Variants in FSHR observed in about 807,000 individuals in gnomAD.
The protein encoded by FSHR is follicle-stimulating hormone receptor.
FSHR carries 46 observed loss-of-function variants against 52.1 expected under a neutral mutation model. The ratio of observed to expected loss-of-function variants is 0.88; its 90% confidence interval spans 0.70 to 1.13. FSHR has a LOEUF of 1.13. FSHR is among the 50% of genes most tolerant of loss of function. FSHR has a pLI of 0.00. For missense variants in FSHR, 964 were observed against 834.6 expected, an observed-to-expected ratio of 1.16 and a Z score of -1.91; for synonymous variants, 399 against 309.6, an observed-to-expected ratio of 1.29 and a Z score of -3.03.
At chr2:49,055,759 A>T (rs2104312724) in intron 2 of FSHR, among the ~76,000 whole-genome samples, 1 of 152,092 alleles carries the variant, frequency 6.6e-6, no homozygotes, top group African/African-American at 2.4e-5. Context: ...TGATATATTC[A>T]AAGTACTAAA....
At chr2:48,966,409 C>T (rs1172373040) in intron 9 of FSHR, among the ~76,000 whole-genome samples, 3 of 152,008 alleles carry the variant, frequency 2.0e-5, no homozygotes, top group Non-Finnish European at 4.4e-5. Context: ...CAAAGTAATG[C>T]AAAATGAATA....
chr2:49,133,998 A>G (rs1672395222), intron 1 of FSHR, among the ~76,000 whole-genome samples: 3 of 152,238 alleles, frequency 2.0e-5, no homozygotes, highest in African/African-American at 4.8e-5. Flanking sequence ...CATTAAGACC[A>G]CAGGCATGGG....
chr2:49,002,915 A>G (rs1666954834), intron 4 of FSHR, among the ~76,000 whole-genome samples: 1 of 152,094 alleles, frequency 6.6e-6, no homozygotes, highest in African/African-American at 2.4e-5. Flanking sequence ...TGGTTTGGTC[A>G]TTGTCCAGAG....
chr2:49,152,201 C>G (rs915821403), intron 1 of FSHR, among the ~76,000 whole-genome samples: 1 of 152,110 alleles, frequency 6.6e-6, no homozygotes, highest in African/African-American at 2.4e-5. Context: ...ACTTTGTCCT[C>G]TAATACGTAC....
At chr2:49,029,552 T>A (rs1411739767) in intron 2 of FSHR, among the ~76,000 whole-genome samples, 1 of 152,236 alleles carries the variant, frequency 6.6e-6, no homozygotes, top group Non-Finnish European at 1.5e-5. Context: ...TCCATTTTCC[T>A]CTGTAAGATG....
At chr2:49,129,459 T>A (rs1013438722) in intron 1 of FSHR, among the ~76,000 whole-genome samples, 1 of 152,230 alleles carries the variant, frequency 6.6e-6, no homozygotes, top group South Asian at 2.1e-4. Context: ...CTGATTCTGA[T>A]AGGATGATAA....
chr2:49,134,704 A>G (rs372585952), intron 1 of FSHR, among the ~76,000 whole-genome samples: 2 of 152,322 alleles, frequency 1.3e-5, no homozygotes, highest in Admixed American at 6.5e-5. Context: ...AGAAAATGTG[A>G]CACATATACA....
At chr2:49,001,877 T>G (rs1315227787) in intron 4 of FSHR, among the ~76,000 whole-genome samples, 1 of 152,136 alleles carries the variant, frequency 6.6e-6, no homozygotes, top group Admixed American at 6.6e-5. Context: ...CTATGTAATC[T>G]CTGAGTTTCA....
intron 6 of FSHR, among the ~76,000 whole-genome samples, chr2:48,985,502 C>T (rs1433812087): frequency 6.6e-6 from 1 of 152,164 alleles, no homozygotes; most frequent in Non-Finnish European, 1.5e-5. Context: ...TTCAGGCACT[C>T]TGCTTACCAG....
chr2:49,013,501 A>AAT (rs1201877951), intron 4 of FSHR, among the ~76,000 whole-genome samples: 27 of 65,992 alleles, frequency 4.1e-4, no homozygotes, highest in South Asian at 1.3e-3. Flanking sequence ...TATATATATA[A>AAT]ATATATATAT....
At chr2:48,984,297 G>C (rs1368634614) in intron 6 of FSHR, among the ~76,000 whole-genome samples, 1 of 152,182 alleles carries the variant, frequency 6.6e-6, no homozygotes, top group Non-Finnish European at 1.5e-5. Flanking sequence ...TGGCAAAGAA[G>C]TGGCTATGCA....
chr2:49,059,763 A>G (rs902294782), intron 2 of FSHR: 1 of 152,194 alleles, frequency 6.6e-6, no homozygotes, highest in African/African-American at 2.4e-5. Flanking sequence ...TAAAACTGCA[A>G]GAAGAAAACA....
At chr2:49,034,691 C>G (rs1558402829) in intron 2 of FSHR, among the ~76,000 whole-genome samples, 2 of 152,136 alleles carry the variant, frequency 1.3e-5, no homozygotes, top group Non-Finnish European at 2.9e-5. Flanking sequence ...GGTGTTATTA[C>G]AGTTTTCTTT....
chr2:49,061,047 T>C (rs891764550), intron 2 of FSHR, among the ~76,000 whole-genome samples: 3 of 152,140 alleles, frequency 2.0e-5, no homozygotes, highest in Non-Finnish European at 4.4e-5. Flanking sequence ...CCCCTTCTTC[T>C]GAGGGATCAA....
At chr2:49,076,109 T>A (rs560931688) in intron 1 of FSHR, among the ~76,000 whole-genome samples, 1 of 152,226 alleles carries the variant, frequency 6.6e-6, no homozygotes, top group Non-Finnish European at 1.5e-5. Context: ...TACCATGTGA[T>A]GTTAGAAGTA....
At chr2:48,994,528 C>G (rs1261028571) in intron 4 of FSHR, among the ~76,000 whole-genome samples, 1 of 152,038 alleles carries the variant, frequency 6.6e-6, no homozygotes, top group Non-Finnish European at 1.5e-5. Context: ...GGTGATAATT[C>G]TGTAGCTGAG....
intron 4 of FSHR, among the ~76,000 whole-genome samples, chr2:49,000,718 C>A (rs1025171542): frequency 1.1e-4 from 16 of 152,212 alleles, no homozygotes; most frequent in African/African-American, 3.6e-4. Context: ...AGGGTGGGGG[C>A]TGCTTGCTGC....
At chr2:49,088,995 T>G (rs938690877) in intron 1 of FSHR, among the ~76,000 whole-genome samples, 1 of 152,042 alleles carries the variant, frequency 6.6e-6, no homozygotes, top group African/African-American at 2.4e-5. Flanking sequence ...TCAAATGAAC[T>G]GTTAGAAATA....
At chr2:49,083,182 G>C (rs1670244170) in intron 1 of FSHR, among the ~76,000 whole-genome samples, 1 of 151,544 alleles carries the variant, frequency 6.6e-6, no homozygotes, top group African/African-American at 2.4e-5. Context: ...GAGAGTGGGG[G>C]CCAATATTCC....
Sources: allele counts gnomAD v4.1 joint callset (sites outside exome capture counted in the v4.1 genomes callset), GRCh38; gene constraint gnomAD v4.1.1; transcripts MANE v1.5; gene names NCBI Gene and HGNC (gene_info 2026-07-23, HGNC 2026-07-21).